GLMN: variants seen among roughly 807,000 people sequenced by gnomAD.
GLMN encodes the protein glomulin.
GLMN carries 75 observed loss-of-function variants against 87.8 expected under a neutral mutation model. The observed-to-expected ratio is 0.85, with a 90% CI of 0.71 to 1.04. The LOEUF is 1.04. Ranked by LOEUF, GLMN falls within the 50% of genes least tolerant of loss-of-function variation. GLMN has a pLI of 0.00. For synonymous variants in GLMN, 206 were observed against 221.6 expected (o/e 0.93, Z 0.63); for missense variants, 588 against 658.8 (o/e 0.89, Z 1.18).
At chr1:92,333,834 G>A in the GLMN span, among the ~76,000 whole-genome samples, 1 of 152,174 alleles carries the variant, frequency 6.6e-6, no homozygotes, top group Non-Finnish European at 1.5e-5. Context: ...ATGCAAATAA[G>A]ATGTTATTAC....
At chr1:92,293,674 C>T (rs896022420) in intron 3 of GLMN, among the ~76,000 whole-genome samples, 1 of 152,118 alleles carries the variant, frequency 6.6e-6, no homozygotes, top group African/African-American at 2.4e-5. Flanking sequence ...CATTGCAGCA[C>T]TATTTACAAT....
intron 18 of GLMN, 145 bp downstream of exon 18, chr1:92,246,917 G>A: frequency 1.4e-6 from 1 of 714,218 alleles, no homozygotes; most frequent in Non-Finnish European, 2.5e-6. Flanking sequence ...TGGCTAATCA[G>A]GAATCTGAGG....
Position 92,290,299 on chromosome 1 carries a change from T to C in GLMN, c.293A>G (p.Asn98Ser). Residue 98 changes from asparagine (N) to serine (S), a missense_variant, in exon 5 of 19, where the codon AAT becomes AGT. By Grantham distance (46) the Asn-to-Ser change is conservative. Coordinates refer to ENST00000370360, the MANE Select transcript of GLMN (RefSeq NM_053274.3). Reference sequence around the variant, plus strand: ...CAAACCCAACAATAATTCCTTTGGATTGCATAACTATAAAAATATTCACAA... The same window carrying C: ...CAAACCCAACAATAATTCCTTTGGACTGCATAACTATAAAAATATTCACAA... ...LIFDLLVKLCNPKELLLGLLE... is the reference protein window; with the variant it reads ...LIFDLLVKLCSPKELLLGLLE... 5 of 1,567,096 alleles carry C rather than the reference T, an allele frequency of 3.2e-6. No individual in the cohort carries two copies. The highest frequency in any genetic ancestry group is 4.4e-6 in the Non-Finnish European group (5 of 1,137,578).
At chr1:92,363,414 ATCT>A in the GLMN span, among the ~76,000 whole-genome samples, 3 of 152,218 alleles carry the variant, frequency 2.0e-5, no homozygotes, top group East Asian at 5.8e-4. Flanking sequence ...GAAATACTAC[ATCT>A]TCTGAGACAG....
intron 16 of GLMN, among the ~76,000 whole-genome samples, chr1:92,259,560 T>C (rs1207096706): frequency 6.6e-6 from 1 of 152,094 alleles, no homozygotes; most frequent in Non-Finnish European, 1.5e-5. Context: ...GTGATTCTCT[T>C]CTTAATCTTC....
Position 92,291,453 on chromosome 1 carries a change from T to A in GLMN, c.250A>T (p.Lys84Ter). The A allele has an allele frequency of 3.1e-6, 5 of 1,596,546 alleles. No individual in the cohort carries two copies. Among genetic ancestry groups the A allele is most frequent in the Non-Finnish European group, 4.3e-6 (5 of 1,164,044 alleles). ...AAATCAAAGATCAAAAAATAAACTTTTCTTTTACTATCCTCTTTATCTTTA... is the reference window on the plus strand; with the variant it reads ...AAATCAAAGATCAAAAAATAAACTTATCTTTTACTATCCTCTTTATCTTTA... ...LCKDKEDSKRKVYFLIFDLLV... is the reference protein window; with the variant it reads ...LCKDKEDSKR The change falls in exon 4 of 19, where the codon AAA becomes TAA. Residue 84 changes from lysine to a stop codon, truncating the protein, a stop_gained. Coordinates refer to ENST00000370360, the MANE Select transcript of GLMN (RefSeq NM_053274.3). LOFTEE classifies it high-confidence loss of function.
At chr1:92,301,922 C>T (rs1015033630), upstream of GLMN, among the ~76,000 whole-genome samples, 2 of 152,132 alleles carry the variant, frequency 1.3e-5, no homozygotes, top group African/African-American at 4.8e-5. Flanking sequence ...GCCTGATTTG[C>T]TCAATGTATA....
At chr1:92,289,458 A>T (rs774763893) in intron 5 of GLMN, among the ~76,000 whole-genome samples, 1 of 152,196 alleles carries the variant, frequency 6.6e-6, no homozygotes, top group South Asian at 2.1e-4. Flanking sequence ...ATATAAGTGT[A>T]TTGTAAACTA....
At chr1:92,249,986 C>A (rs1489013083) in intron 16 of GLMN, among the ~76,000 whole-genome samples, 1 of 152,002 alleles carries the variant, frequency 6.6e-6, no homozygotes, top group Admixed American at 6.6e-5. Flanking sequence ...ACCATTTATT[C>A]CCTGCCCCCC....
At chr1:92,282,152 C>A (rs1164228307) in intron 7 of GLMN, among the ~76,000 whole-genome samples, 1 of 152,188 alleles carries the variant, frequency 6.6e-6, no homozygotes, top group Non-Finnish European at 1.5e-5. Context: ...ACTCTCCACA[C>A]CAAATCAACA....
At chr1:92,308,189 A>C in the GLMN span, among the ~76,000 whole-genome samples, 36 of 152,222 alleles carry the variant, frequency 2.4e-4, no homozygotes, top group Admixed American at 7.9e-4. Context: ...GATGGCAGAC[A>C]CCTCTGCCTG....
the GLMN span, among the ~76,000 whole-genome samples, chr1:92,342,266 C>T: frequency 6.6e-6 from 1 of 152,220 alleles, no homozygotes; most frequent in Non-Finnish European, 1.5e-5. Flanking sequence ...AGCTGTGTTG[C>T]TGTCTGTGAA....
chr1:92,366,192 A>G, the GLMN span, among the ~76,000 whole-genome samples: 1 of 152,092 alleles, frequency 6.6e-6, no homozygotes, highest in African/African-American at 2.4e-5. Context: ...AGTCTCGGCT[A>G]TTTGGGAGGC....
intron 1 of GLMN, among the ~76,000 whole-genome samples, chr1:92,298,654 T>C (rs1405057692): frequency 6.6e-6 from 1 of 152,128 alleles, no homozygotes; most frequent in Non-Finnish European, 1.5e-5. Flanking sequence ...GAGGAGACCA[T>C]CGCTTCTCCT....
chr1:92,246,543 A>G lies in GLMN; in HGVS notation c.1772T>C (p.Ile591Thr), dbSNP rs761090527. 4.4e-6 allele frequency: 6 copies of G among 1,371,208 alleles called. No homozygotes were observed. The highest frequency in any genetic ancestry group is 3.5e-5 in the South Asian group (3 of 85,970). 84.9% of individuals were successfully genotyped at this position (1,371,208 alleles called of 1,614,324 possible). A position where few individuals can be genotyped will look rare whatever the true frequency, so the allele number is the denominator to read the frequency against. The change falls in exon 19 of 19, where the codon ATT becomes ACT. Residue 591 changes from isoleucine (I) to threonine (T), a missense_variant. Transcript: ENST00000370360. ...GAAATGGAACTTTCACTTTATCCCAATATTTTCTTCAGAGGTAGACTTTGT... is the reference window on the plus strand; with the variant it reads ...GAAATGGAACTTTCACTTTATCCCAGTATTTTCTTCAGAGGTAGACTTTGT... ...IKTKSTSEEN[I>T]GIK
At chr1:92,323,627 C>A in the GLMN span, 30 of 1,613,924 alleles carry the variant, frequency 1.9e-5, no homozygotes, top group South Asian at 2.9e-4. Flanking sequence ...CCAAATTCAA[C>A]AAATATTAGA....
chr1:92,351,305 CAAAAAAAAAAAAAA>C, the GLMN span, among the ~76,000 whole-genome samples: 1 of 86,838 alleles, frequency 1.2e-5, no homozygotes, highest in Admixed American at 1.5e-4. Context: ...GACTCTGTCT[CAAAAAAAAAAAAAA>C]AAAAAAAAAG....
At chr1:92,268,842 A>G (rs953007403) in intron 9 of GLMN, among the ~76,000 whole-genome samples, 3 of 152,178 alleles carry the variant, frequency 2.0e-5, no homozygotes, top group African/African-American at 7.2e-5. Flanking sequence ...GTGAAAGAAA[A>G]CAAAGCATAT....
At chr1:92,364,440 T>A in the GLMN span, among the ~76,000 whole-genome samples, 5 of 152,168 alleles carry the variant, frequency 3.3e-5, no homozygotes, top group African/African-American at 1.2e-4. Context: ...AATTCTTGTG[T>A]TTCTCCCCCC....
Sources: gnomAD v4.1 joint callset for allele counts (sites outside exome capture counted in the v4.1 genomes callset) on GRCh38, gnomAD v4.1.1 for gene constraint, MANE v1.5 for transcripts, NCBI Gene and HGNC (gene_info 2026-07-23, HGNC 2026-07-21) for gene names.